CUL3: variants seen among roughly 807,000 people sequenced by gnomAD.
The protein encoded by CUL3 is cullin-3.
In CUL3, 19 loss-of-function variants were observed where a neutral mutation model predicts 89.1. The ratio of observed to expected loss-of-function variants is 0.21; its 90% confidence interval spans 0.15 to 0.31. The LOEUF (loss-of-function observed/expected upper bound fraction) is 0.31, where lower values mean the gene tolerates loss of function less well. CUL3 is among the 10% of genes least tolerant of loss of function. The pLI is 1.00. For missense variants in CUL3, 469 were observed against 942.3 expected (o/e 0.50, Z 6.58); for synonymous variants, 351 against 308.4 (o/e 1.14, Z -1.45).
chr2:224,582,473 T>C (rs1468099778), intron 1 of CUL3, among the ~76,000 whole-genome samples: 2 of 152,224 alleles, frequency 1.3e-5, no homozygotes, highest in Admixed American at 6.5e-5. Flanking sequence ...AATAGTTCTT[T>C]CCAATGGGAA....
chr2:224,585,340 C>A lies in CUL3; in HGVS notation c.-331G>T. The stretch of plus-strand genomic sequence containing the variant: ...GCGGCGGCGACGGACAAACATCTCA[C>A]TGCGCAGGCCGAACGTCGTCCTCCT... On this transcript the variant is annotated 5_prime_UTR_variant, in exon 1 of 16. Transcript: ENST00000264414. 3 of 401,502 alleles carry A rather than the reference C, an allele frequency of 7.5e-6. No individual in the cohort carries two copies. Among genetic ancestry groups the A allele is most frequent in the Non-Finnish European group, 4.4e-6 (1 of 228,652 alleles). 24.9% of individuals were successfully genotyped at this position (401,502 alleles called of 1,614,324 possible). A position where few individuals can be genotyped will look rare whatever the true frequency, so the allele number is the denominator to read the frequency against.
rs1222139478 is a variant in CUL3, at chr2:224,480,686, A to C, written c.2029+1206T>G. On this transcript the variant is annotated intron_variant, in intron 14 of 15. Coordinates refer to ENST00000264414, the MANE Select transcript of CUL3 (RefSeq NM_003590.5). ...TTTAGGGTACAGTAGGGTGAGGGTA[A>C]GGCAATCCAGATAAATATTCCCACA... Among the ~76,000 whole-genome samples, 6 of 152,200 alleles carry C rather than the reference A, an allele frequency of 3.9e-5. No homozygotes were observed. The East Asian group carries it at 9.6e-4, about 24-fold the overall frequency.
intron 1 of CUL3, among the ~76,000 whole-genome samples, chr2:224,571,742 G>A (rs1326618872): frequency 1.3e-5 from 2 of 152,184 alleles, no homozygotes; most frequent in African/African-American, 4.8e-5. Context: ...CATTCATAAA[G>A]AAAAATCTAA....
At chr2:224,505,269 C>G (rs1354040204) in intron 8 of CUL3, among the ~76,000 whole-genome samples, 2 of 151,916 alleles carry the variant, frequency 1.3e-5, no homozygotes, top group African/African-American at 4.8e-5. Context: ...TCCTGAGTAG[C>G]TGGGATTACA....
intron 8 of CUL3, among the ~76,000 whole-genome samples, chr2:224,504,521 C>A (rs2106199477): frequency 6.6e-6 from 1 of 152,280 alleles, no homozygotes; most frequent in Non-Finnish European, 1.5e-5. Flanking sequence ...ATTGGTCAGG[C>A]TGGTCTTGAA....
At chr2:224,503,960 T>C (rs1335030700) in intron 8 of CUL3, 138 bp from the exon 9 acceptor site, 3 of 618,016 alleles carry the variant, frequency 4.9e-6, no homozygotes, top group Admixed American at 3.6e-5. Flanking sequence ...AGGGATACGG[T>C]TTGAGAAAGT....
intron 9 of CUL3, among the ~76,000 whole-genome samples, chr2:224,503,423 C>G (rs1311892351): frequency 6.6e-6 from 1 of 152,176 alleles, no homozygotes. Context: ...CCCTTCCAGG[C>G]CTCCATGAAT....
chr2:224,500,622 C>A, intron 10 of CUL3, 135 bp from the exon 11 acceptor site: 45 of 609,912 alleles, frequency 7.4e-5, no homozygotes, highest in Middle Eastern at 5.2e-4. Flanking sequence ...AGCAGATTTT[C>A]TTTTCTTTTT....
At chr2:224,513,383 T>G (rs1264105635) in intron 5 of CUL3, 141 bp downstream of exon 5, 1 of 596,778 alleles carries the variant, frequency 1.7e-6, no homozygotes, top group African/African-American at 1.9e-5. Context: ...TGTGAGGTAG[T>G]GTGCTGATGG....
intron 2 of CUL3, among the ~76,000 whole-genome samples, chr2:224,546,606 C>T (rs1421147830): frequency 6.6e-6 from 1 of 151,868 alleles, no homozygotes; most frequent in East Asian, 1.9e-4. Flanking sequence ...TGAACAGGTC[C>T]TCCTTCATTT....
intron 3 of CUL3, among the ~76,000 whole-genome samples, chr2:224,529,022 C>A (rs527806116): frequency 1.3e-5 from 2 of 152,234 alleles, no homozygotes; most frequent in East Asian, 3.9e-4. Flanking sequence ...GATAGGAAAT[C>A]ATTTTGTTCC....
chr2:224,499,428 T>G, intron 11 of CUL3: 1 of 240,326 alleles, frequency 4.2e-6, no homozygotes, highest in South Asian at 7.8e-5. Context: ...TTCAAAGAGG[T>G]CGTGACAGAT....
At chr2:224,529,644 C>T (rs975695745) in intron 3 of CUL3, among the ~76,000 whole-genome samples, 7 of 151,696 alleles carry the variant, frequency 4.6e-5, no homozygotes, top group African/African-American at 1.7e-4. Flanking sequence ...ATCAAATTAA[C>T]GTATGTAAGT....
At chr2:224,580,076 C>G (rs1695397668) in intron 1 of CUL3, among the ~76,000 whole-genome samples, 2 of 152,128 alleles carry the variant, frequency 1.3e-5, no homozygotes, top group Admixed American at 1.3e-4. Context: ...TGATCCAGAC[C>G]CACATTATTT....
chr2:224,557,270 T>A (rs1390422258), intron 2 of CUL3, among the ~76,000 whole-genome samples: 1 of 152,132 alleles, frequency 6.6e-6, no homozygotes, highest in Non-Finnish European at 1.5e-5. Context: ...TAGTGATCCA[T>A]CTTAGAAATA....
At chr2:224,515,392 C>G (rs919299354) in intron 3 of CUL3, among the ~76,000 whole-genome samples, 11 of 152,160 alleles carry the variant, frequency 7.2e-5, no homozygotes, top group Admixed American at 7.2e-4. Context: ...CCTTGAAAAT[C>G]CATATTGATA....
chr2:224,569,714 G>C, intron 1 of CUL3: 1 of 1,216,652 alleles, frequency 8.2e-7, no homozygotes, highest in Non-Finnish European at 1.0e-6. Flanking sequence ...TGTGATTACT[G>C]AGAGAACTAC....
intron 2 of CUL3, among the ~76,000 whole-genome samples, chr2:224,539,673 G>T (rs937015909): frequency 6.6e-6 from 1 of 151,754 alleles, no homozygotes; most frequent in Non-Finnish European, 1.5e-5. Context: ...TAACTTAAAC[G>T]CATATTACAA....
At chr2:224,533,150 T>C (rs953232414) in intron 3 of CUL3, 1 of 152,214 alleles carries the variant, frequency 6.6e-6, no homozygotes, top group Admixed American at 6.5e-5. Context: ...AGGTCTGTGA[T>C]GCGACAAACA....
Sources: gnomAD v4.1 joint callset for allele counts (sites outside exome capture counted in the v4.1 genomes callset) on GRCh38, gnomAD v4.1.1 for gene constraint, MANE v1.5 for transcripts, NCBI Gene and HGNC (gene_info 2026-07-23, HGNC 2026-07-21) for gene names.